The following NRDC variants were observed in gnomAD, a reference collection of about 807,000 sequenced individuals.
The protein encoded by NRDC is nardilysin convertase.
In NRDC, 54 loss-of-function variants were observed where a neutral mutation model predicts 147.1. The observed-to-expected ratio is 0.37, with a 90% CI of 0.29 to 0.46. NRDC has a LOEUF of 0.46. Among genes scored for constraint, NRDC ranks in the 20% least tolerant of loss-of-function variants. The pLI, the probability that NRDC is intolerant of heterozygous loss-of-function variation, is 1.00. For synonymous variants in NRDC, 440 were observed against 482.1 expected (o/e 0.91, Z 1.14); for missense variants, 1,082 against 1,370.6 (o/e 0.79, Z 3.33).
chr1:51,855,581 T>C (rs1360465674), intron 1 of NRDC, among the ~76,000 whole-genome samples: 1 of 152,064 alleles, frequency 6.6e-6, no homozygotes. Context: ...AATTGCATAC[T>C]GGGAGGAAAA....
At chr1:51,794,678 T>G in intron 23 of NRDC, 68 bp from the exon 24 acceptor site, 1 of 1,596,738 alleles carries the variant, frequency 6.3e-7, no homozygotes, top group Non-Finnish European at 8.6e-7. Context: ...TTCTAACTTT[T>G]CAATTGCCTT....
At chr1:51,816,250 CTTA>C in intron 11 of NRDC, 59 bp downstream of exon 11, 2 of 1,071,334 alleles carry the variant, frequency 1.9e-6, no homozygotes, top group Non-Finnish European at 2.7e-6. Flanking sequence ...TTATATAATA[CTTA>C]TTGTCTACTA....
intron 18 of NRDC, 108 bp from the exon 19 acceptor site, chr1:51,805,669 T>C: frequency 1.5e-6 from 1 of 659,014 alleles, no homozygotes. Context: ...AGTAAACTAC[T>C]AATCCTTAAA....
At chr1:51,811,773 CAAGT>C in intron 15 of NRDC, among the ~76,000 whole-genome samples, 1 of 152,120 alleles carries the variant, frequency 6.6e-6, no homozygotes, top group South Asian at 2.1e-4. Context: ...TAGGACCTAA[CAAGT>C]ACTGAGTTTG....
At chr1:51,812,578 G>A (rs1174870611) in intron 14 of NRDC, among the ~76,000 whole-genome samples, 1 of 151,922 alleles carries the variant, frequency 6.6e-6, no homozygotes, top group Non-Finnish European at 1.5e-5. Flanking sequence ...CCCTTAGGGA[G>A]CTTAAACTCA....
intron 22 of NRDC, among the ~76,000 whole-genome samples, chr1:51,796,359 C>A (rs1307728179): frequency 6.6e-6 from 1 of 151,828 alleles, no homozygotes; most frequent in African/African-American, 2.4e-5. Context: ...CTGCCTCAGC[C>A]TCCCAAGAAG....
chr1:51,794,880 A>G, intron 22 of NRDC, 26 bp from the exon 23 acceptor site: 3 of 1,613,186 alleles, frequency 1.9e-6, no homozygotes, highest in Non-Finnish European at 1.7e-6. Flanking sequence ...GAATAACTAC[A>G]TTAAGCTCTC....
chr1:51,800,819 A>G, intron 20 of NRDC, 136 bp from the exon 21 acceptor site: 1 of 790,392 alleles, frequency 1.3e-6, no homozygotes, highest in Non-Finnish European at 2.0e-6. Context: ...GAAAATTACT[A>G]ACAACTCAAT....
chr1:51,877,969 C>G (rs772058133), intron 1 of NRDC: 8 of 1,203,286 alleles, frequency 6.6e-6, no homozygotes, highest in Non-Finnish European at 8.4e-6. Flanking sequence ...AACATAATAC[C>G]AAGACTCCCT....
chr1:51,848,404 C>G (rs1171677793), intron 1 of NRDC, among the ~76,000 whole-genome samples: 2 of 152,120 alleles, frequency 1.3e-5, no homozygotes, highest in African/African-American at 4.8e-5. Context: ...TGGCGTGAAC[C>G]CGGGAGGCGG....
chr1:51,866,966 T>C (rs1399311868), intron 1 of NRDC, among the ~76,000 whole-genome samples: 2 of 152,142 alleles, frequency 1.3e-5, no homozygotes, highest in Admixed American at 6.6e-5. Context: ...GTATGTTTTA[T>C]ATATACATAT....
At chr1:51,834,672 T>C (rs1419901112) in intron 3 of NRDC, among the ~76,000 whole-genome samples, 1 of 152,090 alleles carries the variant, frequency 6.6e-6, no homozygotes, top group East Asian at 1.9e-4. Context: ...ATGCTCATGT[T>C]ACTTTTATAC....
chr1:51,844,613 C>T (rs986053142), intron 1 of NRDC, among the ~76,000 whole-genome samples: 1 of 151,524 alleles, frequency 6.6e-6, no homozygotes, highest in African/African-American at 2.4e-5. Flanking sequence ...CATGGCGGCG[C>T]GTGCCTGTAG....
intron 22 of NRDC, among the ~76,000 whole-genome samples, chr1:51,796,865 C>T (rs1188647322): frequency 2.0e-5 from 3 of 147,526 alleles, no homozygotes; most frequent in South Asian, 2.3e-4. Context: ...GGATTACAGG[C>T]GTGAGCCACC....
intron 14 of NRDC, among the ~76,000 whole-genome samples, chr1:51,812,861 C>G (rs182937947): frequency 1.3e-5 from 2 of 148,514 alleles, no homozygotes; most frequent in African/African-American, 4.9e-5. Flanking sequence ...ATTTGGGAGG[C>G]TGAGGCAGGA....
intron 13 of NRDC, 74 bp downstream of exon 13, chr1:51,814,477 A>G: frequency 7.1e-7 from 1 of 1,417,724 alleles, no homozygotes; most frequent in Non-Finnish European, 9.8e-7. Flanking sequence ...AGACTAAAGC[A>G]TGTCTACCGG....
At chr1:51,837,649 T>C in intron 2 of NRDC, 1 of 1,467,310 alleles carries the variant, frequency 6.8e-7, no homozygotes, top group Non-Finnish European at 9.2e-7. Flanking sequence ...CTTGAGAATT[T>C]TCTACCTAAA....
rs1683444859 is a variant in NRDC at position 51,878,519 on chromosome 1, G to A, written c.97C>T (p.Arg33Trp). 1 of 1,613,612 alleles carries A rather than the reference G, an allele frequency of 6.2e-7. No individual in the cohort carries two copies. The highest frequency in any genetic ancestry group is 8.5e-7 in the Non-Finnish European group (1 of 1,179,912). Residue 33 changes from arginine to tryptophan, a missense_variant, in exon 1 of 31, where the codon CGG (arginine) becomes TGG (tryptophan). Arg to Trp is a moderately radical substitution (Grantham distance 101). Coordinates refer to ENST00000352171, the MANE Select transcript of NRDC (RefSeq NM_001101662.2). ...GCAGCAGAGTCTTCGCACCGACCCC[G>A]CGTTTCGATTCCCCAGAGCGCCGCG... ...ELAALWGIET[R>W]GRCEDSAAAR...
At chr1:51,827,755 G>GA in intron 5 of NRDC, 41 bp downstream of exon 5, 1 of 1,499,832 alleles carries the variant, frequency 6.7e-7, no homozygotes, top group Non-Finnish European at 9.3e-7. Context: ...CTGGTTTCAT[G>GA]AAGGAAAAAA....
Sources: allele counts gnomAD v4.1 joint callset (sites outside exome capture counted in the v4.1 genomes callset), GRCh38; gene constraint gnomAD v4.1.1; transcripts MANE v1.5; gene names NCBI Gene and HGNC (gene_info 2026-07-23, HGNC 2026-07-21).